Variants in SLMAP observed in about 807,000 individuals in gnomAD.
SLMAP encodes the protein sarcolemmal membrane-associated protein.
A neutral mutation model predicts 128.8 loss-of-function variants in SLMAP; 44 were observed. That is an observed-to-expected ratio of 0.34 (90% CI 0.27 to 0.44). The LOEUF (loss-of-function observed/expected upper bound fraction) is 0.44. Ranked by LOEUF, SLMAP falls within the 20% of genes least tolerant of loss-of-function variation. The pLI, the probability that SLMAP is intolerant of heterozygous loss-of-function variation, is 1.00. For synonymous variants in SLMAP, 327 were observed against 348.8 expected (o/e 0.94, Z 0.70); for missense variants, 787 against 985.3 (o/e 0.80, Z 2.69).
chr3:57,775,269 C>T (rs969985753), intron 2 of SLMAP, among the ~76,000 whole-genome samples: 3 of 151,806 alleles, frequency 2.0e-5, no homozygotes, highest in Non-Finnish European at 4.4e-5. Context: ...GTCTCGATCT[C>T]CTGACCTTGT....
At chr3:57,881,936 G>A (rs1241196815) in intron 14 of SLMAP, among the ~76,000 whole-genome samples, 1 of 152,124 alleles carries the variant, frequency 6.6e-6, no homozygotes, top group African/African-American at 2.4e-5. Flanking sequence ...GTTAGAGGCT[G>A]CAGTTCACAG....
chr3:57,892,312 GTCTTACCTCTTC>G (rs1248592376), intron 15 of SLMAP, among the ~76,000 whole-genome samples: 1 of 152,200 alleles, frequency 6.6e-6, no homozygotes, highest in Non-Finnish European at 1.5e-5. Flanking sequence ...ACTGTTACCA[GTCTTACCTCTTC>G]TCTTACCTCT....
At chr3:57,904,437 C>T (rs1185579529) in intron 17 of SLMAP, among the ~76,000 whole-genome samples, 1 of 152,214 alleles carries the variant, frequency 6.6e-6, no homozygotes, top group African/African-American at 2.4e-5. Flanking sequence ...CAAAAGAAAA[C>T]AAAACAAAGA....
intron 2 of SLMAP, among the ~76,000 whole-genome samples, chr3:57,829,857 G>A (rs6779436): frequency 0.16 from 24,003 of 152,176 alleles, 2,435 homozygotes; most frequent in East Asian, 0.43. Flanking sequence ...AGGGGTGAAG[G>A]ATAAATGAAA....
intron 3 of SLMAP, among the ~76,000 whole-genome samples, chr3:57,831,731 T>C (rs2093350336): frequency 1.3e-5 from 2 of 152,210 alleles, no homozygotes; most frequent in Non-Finnish European, 2.9e-5. Context: ...TTTAGTAGTT[T>C]ATATTCTTCA....
chr3:57,906,320 T>TTTTC (rs2096559435), intron 17 of SLMAP, among the ~76,000 whole-genome samples: 1 of 125,844 alleles, frequency 7.9e-6, no homozygotes, highest in East Asian at 2.8e-4. Context: ...CTTTTTTTTT[T>TTTTC]TTTTTTTTTT....
chr3:57,925,801 C>A, intron 23 of SLMAP, 44 bp from the exon 24 acceptor site: 1 of 1,399,174 alleles, frequency 7.1e-7, no homozygotes, highest in Non-Finnish European at 9.9e-7. Context: ...TATCTGATTA[C>A]TTTCATAGCA....
intron 2 of SLMAP, among the ~76,000 whole-genome samples, chr3:57,759,575 C>T (rs1233928419): frequency 6.6e-6 from 1 of 152,122 alleles, no homozygotes; most frequent in African/African-American, 2.4e-5. Context: ...TGCACCTGGC[C>T]CTCATAATTC....
At chr3:57,908,836 T>G (rs1248844036) in intron 18 of SLMAP, among the ~76,000 whole-genome samples, 1 of 152,264 alleles carries the variant, frequency 6.6e-6, no homozygotes, top group Admixed American at 6.5e-5. Flanking sequence ...ACATATTGTC[T>G]TGGTGATACC....
intron 2 of SLMAP, among the ~76,000 whole-genome samples, chr3:57,793,509 T>C (rs567582628): frequency 1.3e-5 from 2 of 152,322 alleles, no homozygotes; most frequent in African/African-American, 4.8e-5. Flanking sequence ...CTATCTTTCA[T>C]CATTACCTCA....
intron 13 of SLMAP, among the ~76,000 whole-genome samples, chr3:57,866,742 G>T (rs1459149551): frequency 6.6e-6 from 1 of 152,104 alleles, no homozygotes; most frequent in South Asian, 2.1e-4. Flanking sequence ...AATTAGCCAC[G>T]CATGGTGGCC....
chr3:57,920,408 G>A (rs1324301712), intron 22 of SLMAP, among the ~76,000 whole-genome samples: 2 of 152,120 alleles, frequency 1.3e-5, no homozygotes, highest in South Asian at 4.1e-4. Flanking sequence ...GGTGACCTCT[G>A]TGTTGACCCT....
chr3:57,776,809 G>A (rs2082049404), intron 2 of SLMAP, among the ~76,000 whole-genome samples: 1 of 152,042 alleles, frequency 6.6e-6, no homozygotes, highest in Non-Finnish European at 1.5e-5. Flanking sequence ...ACAGGTGTGA[G>A]CCACTGTGCC....
intron 12 of SLMAP, 77 bp from the exon 13 acceptor site, chr3:57,865,165 A>G (rs2095262093): frequency 2.7e-6 from 2 of 745,338 alleles, no homozygotes; most frequent in Non-Finnish European, 4.3e-6. Context: ...GGAATGCAGA[A>G]TGCCATGGTT....
intron 19 of SLMAP, among the ~76,000 whole-genome samples, chr3:57,911,657 C>T (rs894980126): frequency 1.3e-5 from 2 of 151,962 alleles, no homozygotes; most frequent in Non-Finnish European, 2.9e-5. Context: ...AACAAATGCC[C>T]TACACACATG....
chr3:57,921,492 A>G (rs1277685723), intron 22 of SLMAP, among the ~76,000 whole-genome samples: 6 of 151,918 alleles, frequency 3.9e-5, no homozygotes. Context: ...CAGATGTGGC[A>G]GCAGGTGCCC....
chr3:57,870,556 A>G (rs1486120371), intron 13 of SLMAP, among the ~76,000 whole-genome samples: 1 of 152,216 alleles, frequency 6.6e-6, no homozygotes, highest in Non-Finnish European at 1.5e-5. Flanking sequence ...TTATTAAAGC[A>G]TAATGATAAA....
rs541925515 is a variant in SLMAP, at chr3:57,909,661, G to C, written c.1699+511G>C. On this transcript the variant is annotated intron_variant, in intron 19 of 24. Coordinates refer to ENST00000671191, the MANE Select transcript of SLMAP (RefSeq NM_001377540.1). ...GAGTTTCGCTCTTGTTGCCCAGGCTGGAGTACAATGGCGCGGTCTCACCTT... is the reference window on the plus strand; with the variant it reads ...GAGTTTCGCTCTTGTTGCCCAGGCTCGAGTACAATGGCGCGGTCTCACCTT... Among the ~76,000 whole-genome samples the C allele has an allele frequency of 4.6e-5, 7 of 152,098 alleles. No homozygotes were observed. The South Asian group carries it at 1.2e-3, about 27-fold the overall frequency.
intron 17 of SLMAP, among the ~76,000 whole-genome samples, chr3:57,903,311 A>G (rs1471526381): frequency 6.6e-6 from 1 of 152,208 alleles, no homozygotes. Context: ...GTTCTCATCA[A>G]CCAAGCCTGC....
Sources: allele counts gnomAD v4.1 joint callset (sites outside exome capture counted in the v4.1 genomes callset), GRCh38; gene constraint gnomAD v4.1.1; transcripts MANE v1.5; gene names NCBI Gene and HGNC (gene_info 2026-07-23, HGNC 2026-07-21).